The following GREB1L variants were observed in gnomAD, a reference collection of about 807,000 sequenced individuals.
GREB1L encodes GREB1-like protein.
Under a neutral mutation model 200.8 loss-of-function variants are expected in GREB1L, and 17 were observed. That is an observed-to-expected ratio of 0.08 (90% CI 0.06 to 0.13). The LOEUF (loss-of-function observed/expected upper bound fraction) is 0.13. Ranked by LOEUF, GREB1L falls within the 10% of genes least tolerant of loss-of-function variation. The probability of loss-of-function intolerance (pLI) is 1.00; values close to 1 mark genes in which losing one functional copy is unlikely to be tolerated. For synonymous variants in GREB1L, 789 were observed against 893.0 expected (o/e 0.88, Z 2.08); for missense variants, 1,657 against 2,367.7 (o/e 0.70, Z 6.23).
At position 21,500,257 on chromosome 18, in the gene GREB1L, G is replaced by T; in HGVS notation, c.3920G>T (p.Gly1307Val). Residue 1307 changes from glycine (G) to valine (V), a missense_variant, in exon 22 of 33, where the codon GGC (glycine) becomes GTC (valine). Physicochemically the swap from Gly to Val is moderately radical, Grantham distance 109. Around this residue, in one of 9 missense-constraint regions of GREB1L, gnomAD observed 512 missense variants for 668.3 expected, o/e 0.77. Coordinates refer to ENST00000424526, the MANE Select transcript of GREB1L (RefSeq NM_001142966.3). The part of the protein sequence containing the change: ...DYSNQLDPAS[G>V]TRNFHPRRLL... ...AGCAACCAGCTGGACCCGGCCTCTG[G>T]CACCCGAAACTTCCACCCCCGACGG... is the stretch of plus-strand genomic sequence containing the variant. 1 of 1,498,742 alleles carries T rather than the reference G, an allele frequency of 6.7e-7. No homozygotes were observed. The highest frequency in any genetic ancestry group is 9.0e-7 in the Non-Finnish European group (1 of 1,110,100). 92.8% of individuals were successfully genotyped at this position (1,498,742 alleles called of 1,614,324 possible).
At chr18:21,293,052 T>G (rs1598635723) in intron 1 of GREB1L, among the ~76,000 whole-genome samples, 1 of 152,180 alleles carries the variant, frequency 6.6e-6, no homozygotes, top group Non-Finnish European at 1.5e-5. Flanking sequence ...TAACTGGATA[T>G]CTTAACAATC....
At chr18:21,475,284 T>C (rs1333738984) in intron 16 of GREB1L, among the ~76,000 whole-genome samples, 1 of 152,124 alleles carries the variant, frequency 6.6e-6, no homozygotes, top group African/African-American at 2.4e-5. Flanking sequence ...TTAAAAGCAG[T>C]AGAGATGCCA....
intron 18 of GREB1L, 111 bp from the exon 19 acceptor site, chr18:21,489,901 T>G (rs1440182019): frequency 1.3e-6 from 1 of 745,902 alleles, no homozygotes; most frequent in Non-Finnish European, 2.2e-6. Flanking sequence ...CCCACCACAC[T>G]GATCAGTAGC....
intron 1 of GREB1L, among the ~76,000 whole-genome samples, chr18:21,332,416 G>A (rs573141375): frequency 6.6e-6 from 1 of 152,052 alleles, no homozygotes; most frequent in South Asian, 2.1e-4. Context: ...CTGAGGGTAA[G>A]CCTGTACCTA....
chr18:21,358,279 T>G (rs1272377243), intron 1 of GREB1L, among the ~76,000 whole-genome samples: 1 of 152,176 alleles, frequency 6.6e-6, no homozygotes, highest in African/African-American at 2.4e-5. Context: ...ATGCTGATTT[T>G]TGAGGAAAAA....
intron 7 of GREB1L, among the ~76,000 whole-genome samples, chr18:21,428,006 A>C (rs949060054): frequency 2.0e-5 from 3 of 151,158 alleles, no homozygotes; most frequent in South Asian, 2.1e-4. Context: ...CTGGCTAACA[A>C]GGTGAAACCC....
At chr18:21,448,221 C>G (rs1381579183) in intron 11 of GREB1L, among the ~76,000 whole-genome samples, 2 of 151,496 alleles carry the variant, frequency 1.3e-5, no homozygotes, top group Non-Finnish European at 1.5e-5. Context: ...TATACATTAC[C>G]ATTTTCTTGC....
chr18:21,359,380 G>A (rs534090313), intron 1 of GREB1L, among the ~76,000 whole-genome samples: 3 of 152,286 alleles, frequency 2.0e-5, no homozygotes, highest in Non-Finnish European at 2.9e-5. Flanking sequence ...AACCCAGGAG[G>A]TGGAGGTTGC....
chr18:21,377,074 C>T (rs73960404), intron 2 of GREB1L, among the ~76,000 whole-genome samples: 58 of 152,276 alleles, frequency 3.8e-4, no homozygotes, highest in African/African-American at 1.3e-3. Context: ...AATCTTTCTG[C>T]ACCCCTAATT....
At chr18:21,482,050 A>G (rs2035941777) in intron 17 of GREB1L, among the ~76,000 whole-genome samples, 1 of 152,182 alleles carries the variant, frequency 6.6e-6, no homozygotes, top group South Asian at 2.1e-4. Flanking sequence ...GCTAAGTCAA[A>G]GTGATTAGAA....
chr18:21,401,258 A>T lies in GREB1L; in HGVS notation c.641A>T (p.His214Leu). 1 of 1,551,702 alleles carries T rather than the reference A, an allele frequency of 6.4e-7. No individual in the cohort carries two copies. The highest frequency in any genetic ancestry group is 8.7e-7 in the Non-Finnish European group (1 of 1,146,892). ...ACCACTCAGCCAAAGAAGCAGAAGC[A>T]CTTAAAGTACTACCTAGTCAGAAGC... ...KLTTQPKKQK[H>L]LKYYLVRSSQ... Residue 214 changes from histidine (H) to leucine (L), a missense_variant, in exon 6 of 33, where the codon CAC (histidine) becomes CTC (leucine). This residue lies in a region of GREB1L where 70 missense variants were observed against 151.3 expected (regional missense o/e 0.46). Coordinates refer to ENST00000424526, the MANE Select transcript of GREB1L (RefSeq NM_001142966.3).
intron 15 of GREB1L, among the ~76,000 whole-genome samples, chr18:21,465,253 G>A (rs980524042): frequency 2.6e-5 from 4 of 151,946 alleles, no homozygotes; most frequent in African/African-American, 9.7e-5. Flanking sequence ...AATCTCCCCA[G>A]CCCCAAAACC....
intron 27 of GREB1L, among the ~76,000 whole-genome samples, chr18:21,509,262 C>T (rs961737528): frequency 6.6e-6 from 1 of 152,244 alleles, no homozygotes; most frequent in African/African-American, 2.4e-5. Flanking sequence ...TAGAGCTGCG[C>T]TCTTCTGGAC....
At chr18:21,449,901 T>G in intron 12 of GREB1L, 65 bp downstream of exon 12, 2 of 1,238,420 alleles carry the variant, frequency 1.6e-6, no homozygotes, top group Non-Finnish European at 2.2e-6. Context: ...CATTTAAAAA[T>G]GTGTGTTATG....
At chr18:21,486,170 C>T (rs1420674295) in intron 18 of GREB1L, among the ~76,000 whole-genome samples, 5 of 152,122 alleles carry the variant, frequency 3.3e-5, no homozygotes, top group Non-Finnish European at 5.9e-5. Context: ...CTGGCTAACA[C>T]GGTGAAACCC....
chr18:21,248,729 G>T (rs1331863207), intron 1 of GREB1L, among the ~76,000 whole-genome samples: 1 of 152,190 alleles, frequency 6.6e-6, no homozygotes, highest in Non-Finnish European at 1.5e-5. Flanking sequence ...CAATATGGTA[G>T]CCTCTAGCCA....
intron 1 of GREB1L, among the ~76,000 whole-genome samples, chr18:21,286,097 C>T (rs966867716): frequency 6.6e-6 from 1 of 152,168 alleles, no homozygotes; most frequent in Non-Finnish European, 1.5e-5. Context: ...ATACAACATA[C>T]AACTCCCACA....
At chr18:21,404,083 A>G (rs535790153) in intron 7 of GREB1L, 89 bp downstream of exon 7, 1 of 1,156,704 alleles carries the variant, frequency 8.6e-7, no homozygotes, top group Admixed American at 2.3e-5. Context: ...GGCTGGTTTG[A>G]ATAGAGATAT....
chr18:21,515,375 C>T (rs1887631961), intron 28 of GREB1L, 42 bp from the exon 29 acceptor site: 1 of 1,336,846 alleles, frequency 7.5e-7, no homozygotes, highest in South Asian at 1.3e-5. Flanking sequence ...ATCCTCTCTT[C>T]TGTAATATTT....
Sources: allele counts gnomAD v4.1 joint callset (sites outside exome capture counted in the v4.1 genomes callset), GRCh38; gene constraint gnomAD v4.1.1; regional missense constraint gnomAD v4.1.1; transcripts MANE v1.5; gene names NCBI Gene and HGNC (gene_info 2026-07-23, HGNC 2026-07-21).